The following AMBRA1 variants were observed in gnomAD, a reference collection of about 807,000 sequenced individuals.
AMBRA1 encodes the protein autophagy and beclin 1 regulator 1.
AMBRA1 carries 47 observed loss-of-function variants against 125.4 expected under a neutral mutation model. That is an observed-to-expected ratio of 0.37 (90% confidence interval 0.30 to 0.48). The LOEUF (loss-of-function observed/expected upper bound fraction) is 0.48, where lower values mean the gene tolerates loss of function less well. AMBRA1 is among the 20% of genes least tolerant of loss of function. The probability of loss-of-function intolerance (pLI) is 0.99; values close to 1 mark genes in which losing one functional copy is unlikely to be tolerated. For synonymous variants in AMBRA1, 626 were observed against 655.5 expected (o/e 0.95, Z 0.69); for missense variants, 1,331 against 1,693.4 (o/e 0.79, Z 3.76).
intron 7 of AMBRA1, among the ~76,000 whole-genome samples, chr11:46,517,943 G>C (rs984045326): frequency 1.3e-5 from 2 of 150,968 alleles, no homozygotes; most frequent in African/African-American, 4.9e-5. Flanking sequence ...GAGAGAGAGA[G>C]AACAAAAGAA....
chr11:46,584,775 A>C (rs2044307848), intron 1 of AMBRA1, among the ~76,000 whole-genome samples: 1 of 152,066 alleles, frequency 6.6e-6, no homozygotes, highest in Admixed American at 6.6e-5. Context: ...TTTCCAGCTA[A>C]TTTTAAAAAA....
At chr11:46,407,978 C>T (rs1946103732) in intron 17 of AMBRA1, among the ~76,000 whole-genome samples, 1 of 152,146 alleles carries the variant, frequency 6.6e-6, no homozygotes. Flanking sequence ...GTGAGGCTGG[C>T]ACAGAGAGTC....
intron 17 of AMBRA1, among the ~76,000 whole-genome samples, chr11:46,404,734 T>TG (rs1945926948): frequency 6.6e-6 from 1 of 152,080 alleles, no homozygotes; most frequent in African/African-American, 2.4e-5. Context: ...GAGGGGATAG[T>TG]GGGGCGAGGA....
In AMBRA1 at chr11:46,580,441, G is replaced by T. The variant is rs369462195; in HGVS notation, c.-121+13387C>A. 6.4e-4 allele frequency among the ~76,000 whole-genome samples: 97 copies of T among 152,248 alleles called. 2 individuals are homozygous for T. The South Asian group carries it at 0.019, about 31-fold the overall frequency. On this transcript the variant is annotated intron_variant, in intron 1 of 17. Transcript: ENST00000683756. ...TTCACAGGCATCTCACAATTAGCAT[G>T]ACTAAAACTGAGGTCTTCATTCCAC...
At chr11:46,401,222 G>A (rs1405424194) in intron 17 of AMBRA1, among the ~76,000 whole-genome samples, 1 of 151,110 alleles carries the variant, frequency 6.6e-6, no homozygotes, top group East Asian at 2.0e-4. Flanking sequence ...AGTGCACTGT[G>A]CCAGGCGCTG....
chr11:46,431,279 T>C (rs1947446772), intron 14 of AMBRA1, among the ~76,000 whole-genome samples: 1 of 152,186 alleles, frequency 6.6e-6, no homozygotes, highest in Middle Eastern at 3.4e-3. Flanking sequence ...CTACTGAGAA[T>C]CAAAAAAGGT....
intron 7 of AMBRA1, among the ~76,000 whole-genome samples, chr11:46,533,686 C>T (rs866578918): frequency 1.3e-5 from 2 of 152,156 alleles, no homozygotes; most frequent in South Asian, 2.1e-4. Flanking sequence ...CTTTAATTTA[C>T]GCTACTTAGC....
intron 1 of AMBRA1, among the ~76,000 whole-genome samples, chr11:46,551,401 G>A (rs1016935608): frequency 3.3e-5 from 5 of 152,060 alleles, no homozygotes; most frequent in Non-Finnish European, 1.5e-5. Context: ...CAGCCTCAAA[G>A]TGCTGGGCTC....
chr11:46,509,146 T>C (rs1951169805), intron 8 of AMBRA1, among the ~76,000 whole-genome samples: 1 of 152,218 alleles, frequency 6.6e-6, no homozygotes, highest in Admixed American at 6.5e-5. Context: ...GAGTTGTTCC[T>C]CTTTCTTCTC....
intron 13 of AMBRA1, 127 bp from the exon 14 acceptor site, chr11:46,433,755 T>A (rs775639955): frequency 6.3e-5 from 60 of 959,408 alleles, no homozygotes; most frequent in Non-Finnish European, 9.3e-5. Flanking sequence ...TGTTATCTCA[T>A]AGGACTGTAG....
At chr11:46,478,667 TTTTG>T (rs1949927975) in intron 11 of AMBRA1, among the ~76,000 whole-genome samples, 2 of 142,868 alleles carry the variant, frequency 1.4e-5, no homozygotes, top group Non-Finnish European at 3.0e-5. Context: ...TTTTTTTTTT[TTTTG>T]GAGATGGAGT....
intron 17 of AMBRA1, among the ~76,000 whole-genome samples, chr11:46,408,013 C>T (rs1452228922): frequency 6.6e-6 from 1 of 152,116 alleles, no homozygotes; most frequent in Non-Finnish European, 1.5e-5. Flanking sequence ...CAGAGCCACA[C>T]CTGAAATAGG....
intron 14 of AMBRA1, among the ~76,000 whole-genome samples, chr11:46,431,983 A>G (rs1242736411): frequency 1.3e-5 from 2 of 152,182 alleles, no homozygotes; most frequent in African/African-American, 4.8e-5. Flanking sequence ...GTTACCCATC[A>G]TTGGTTCTGC....
At chr11:46,400,373 G>GGCCA (rs946325439) in intron 17 of AMBRA1, among the ~76,000 whole-genome samples, 5 of 151,050 alleles carry the variant, frequency 3.3e-5, no homozygotes, top group Admixed American at 3.3e-4. Context: ...TGGATTTCCA[G>GGCCA]GCCAGCCAGT....
At chr11:46,593,619 C>T (rs774185025) in intron 1 of AMBRA1, among the ~76,000 whole-genome samples, 2 of 152,216 alleles carry the variant, frequency 1.3e-5, no homozygotes, top group African/African-American at 4.8e-5. Flanking sequence ...AGAACCACAC[C>T]GGGAAGCCCC....
chr11:46,535,613 T>C (rs925766207), intron 7 of AMBRA1, among the ~76,000 whole-genome samples: 13 of 152,134 alleles, frequency 8.5e-5, no homozygotes, highest in African/African-American at 2.2e-4. Context: ...TTCATAGAGA[T>C]TGCAGAAGAA....
At chr11:46,506,153 T>C (rs1951029103) in intron 9 of AMBRA1, among the ~76,000 whole-genome samples, 1 of 152,112 alleles carries the variant, frequency 6.6e-6, no homozygotes, top group South Asian at 2.1e-4. Context: ...AACACTCCAT[T>C]TCCTTCACTG....
At chr11:46,432,549 C>T (rs1489128193) in intron 14 of AMBRA1, among the ~76,000 whole-genome samples, 4 of 152,144 alleles carry the variant, frequency 2.6e-5, no homozygotes, top group African/African-American at 7.2e-5. Context: ...AAAACAAATG[C>T]TTCCCATTCC....
intron 8 of AMBRA1, among the ~76,000 whole-genome samples, chr11:46,511,569 CCT>C (rs1446655099): frequency 2.0e-5 from 3 of 152,218 alleles, no homozygotes; most frequent in Non-Finnish European, 2.9e-5. Flanking sequence ...TTTTGCTTTA[CCT>C]AACCTACACT....
Sources: gnomAD v4.1 joint callset for allele counts (sites outside exome capture counted in the v4.1 genomes callset) on GRCh38, gnomAD v4.1.1 for gene constraint, MANE v1.5 for transcripts, NCBI Gene and HGNC (gene_info 2026-07-23, HGNC 2026-07-21) for gene names.